DROSHA: variants seen among roughly 807,000 people sequenced by gnomAD.
DROSHA encodes the protein ribonuclease 3.
A neutral mutation model predicts 181.9 loss-of-function variants in DROSHA; 56 were observed. That is an observed-to-expected ratio of 0.31 (90% CI 0.25 to 0.38). The LOEUF is 0.38. Ranked by LOEUF, DROSHA falls within the 10% of genes least tolerant of loss-of-function variation. The pLI is 1.00. For synonymous variants in DROSHA, 524 were observed against 591.2 expected (o/e 0.89, Z 1.65); for missense variants, 1,218 against 1,743.5 (o/e 0.70, Z 5.37).
At chr5:31,495,164 CATAAAA>C in intron 12 of DROSHA, 116 bp downstream of exon 12, 3 of 1,150,370 alleles carry the variant, frequency 2.6e-6, no homozygotes, top group Non-Finnish European at 3.7e-6. Flanking sequence ...AATTTGTCAA[CATAAAA>C]ATAAAATATT....
chr5:31,490,970 G>A (rs944268512), intron 13 of DROSHA, among the ~76,000 whole-genome samples: 2 of 151,842 alleles, frequency 1.3e-5, no homozygotes, highest in Non-Finnish European at 2.9e-5. Context: ...TGACAGTAAC[G>A]ACTGTGACTA....
chr5:31,498,635 A>G (rs1753260485), intron 11 of DROSHA, among the ~76,000 whole-genome samples: 1 of 152,130 alleles, frequency 6.6e-6, no homozygotes, highest in South Asian at 2.1e-4. Context: ...AGGTGGGCAG[A>G]TCGCCTGAGG....
chr5:31,407,091 G>T (rs991842662), intron 33 of DROSHA, 146 bp from the exon 34 acceptor site: 2 of 524,176 alleles, frequency 3.8e-6, no homozygotes, highest in South Asian at 1.2e-4. Flanking sequence ...AAGGTAAAAA[G>T]AGTTAAGTTT....
intron 5 of DROSHA, among the ~76,000 whole-genome samples, chr5:31,522,409 G>T (rs945401471): frequency 6.6e-6 from 1 of 151,720 alleles, no homozygotes; most frequent in Non-Finnish European, 1.5e-5. Flanking sequence ...AAATAATTGC[G>T]TACATTTCCA....
chr5:31,423,123 T>C, intron 28 of DROSHA, 179 bp from the exon 29 acceptor site: 1 of 571,544 alleles, frequency 1.7e-6, no homozygotes, highest in Non-Finnish European at 2.9e-6. Flanking sequence ...ATCTAATATT[T>C]AAAGAAGGTT....
chr5:31,432,553 C>A (rs1264178359), intron 25 of DROSHA, among the ~76,000 whole-genome samples: 2 of 152,228 alleles, frequency 1.3e-5, no homozygotes, highest in South Asian at 4.2e-4. Flanking sequence ...GCACTTGTGT[C>A]CCCCTCATGA....
At chr5:31,457,758 C>G (rs1487374321) in intron 20 of DROSHA, among the ~76,000 whole-genome samples, 1 of 151,864 alleles carries the variant, frequency 6.6e-6, no homozygotes, top group Non-Finnish European at 1.5e-5. Flanking sequence ...GGCATGGTGG[C>G]ACATGCCTGT....
chr5:31,505,000 G>A (rs1001016887), intron 10 of DROSHA, among the ~76,000 whole-genome samples: 1 of 152,114 alleles, frequency 6.6e-6, no homozygotes, highest in East Asian at 1.9e-4. Context: ...TTATATCCTG[G>A]AGGAACACAT....
At chr5:31,431,366 CA>C (rs58316191) in intron 26 of DROSHA, among the ~76,000 whole-genome samples, 9,926 of 57,718 alleles carry the variant, frequency 0.17, 306 homozygotes, top group African/African-American at 0.33. Flanking sequence ...CAGTAGAATG[CA>C]AAAAAAAAAA....
chr5:31,433,322 A>G lies in DROSHA; in HGVS notation c.3043-1644T>C, dbSNP rs576870103. Among the ~76,000 whole-genome samples the G allele has an allele frequency of 1.6e-4, 24 of 152,344 alleles. No homozygotes were observed. The South Asian group carries it at 5.0e-3, about 32-fold the overall frequency. ...ATCTCTTTTTAAAAATTGATCCCAA[A>G]GTGCAAGAGTTTATACTAGAATATG... On this transcript the variant is annotated intron_variant, in intron 25 of 35. Transcript: ENST00000344624.
In DROSHA at chr5:31,514,964, G is replaced by A. The variant is rs1325504034; in HGVS notation, c.1290+24C>T. On this transcript the variant is annotated intron_variant, in intron 8 of 35. Transcript: ENST00000344624. The surrounding 1 kb of genome is among the most constrained non-coding windows in gnomAD (Gnocchi z 4.4). ...CAACGCCGAGAAGCCCTAGTCTACA[G>A]CTTGTCTGCTACTTCAGACCTACCA... The A allele has an allele frequency of 6.2e-7, 1 of 1,607,692 alleles. No individual in the cohort carries two copies. Among genetic ancestry groups the A allele is most frequent in the Non-Finnish European group, 8.5e-7 (1 of 1,175,830 alleles).
chr5:31,484,725 A>T (rs1751538738), intron 15 of DROSHA, among the ~76,000 whole-genome samples, 156 bp downstream of exon 15: 1 of 152,224 alleles, frequency 6.6e-6, no homozygotes, highest in Admixed American at 6.5e-5. Context: ...TTCATGTCAA[A>T]TGATAACAAG....
chr5:31,423,896 T>A (rs2149997164), intron 28 of DROSHA, among the ~76,000 whole-genome samples: 1 of 152,314 alleles, frequency 6.6e-6, no homozygotes, highest in South Asian at 2.1e-4. Context: ...AGCTTTTAAA[T>A]TCCAAAATCT....
chr5:31,503,608 C>A (rs1335955728), intron 11 of DROSHA, among the ~76,000 whole-genome samples: 2 of 152,152 alleles, frequency 1.3e-5, no homozygotes, highest in Non-Finnish European at 2.9e-5. Flanking sequence ...GCCATTCCAG[C>A]ACAACACACA....
chr5:31,445,025 C>T lies in DROSHA; in HGVS notation c.2882+3522G>A, dbSNP rs574623058. 1.4e-4 allele frequency among the ~76,000 whole-genome samples: 22 copies of T among 152,342 alleles called. No homozygotes were observed. The South Asian group carries it at 4.3e-3, about 30-fold the overall frequency. On this transcript the variant is annotated intron_variant, in intron 23 of 35. Coordinates refer to ENST00000344624, the MANE Select transcript of DROSHA (RefSeq NM_001382508.1). The stretch of plus-strand genomic sequence containing the variant: ...GGCAATTTTTGTGGAGGCCAGTGGG[C>T]AGCTGAAGTAATTGCCTCGATTTTC...
At chr5:31,474,840 G>A (rs1353046377) in intron 16 of DROSHA, among the ~76,000 whole-genome samples, 2 of 152,188 alleles carry the variant, frequency 1.3e-5, no homozygotes, top group Non-Finnish European at 2.9e-5. Context: ...ATGGCTGGCT[G>A]TGAAACAGTA....
chr5:31,526,648 G>C lies in DROSHA; in HGVS notation c.285C>G (p.Pro95=), dbSNP rs757370835. ...MPPSAQGPLP[P]CPIRPPFPNH... ...TGGGGAAAGGCGGCCTGATTGGGCA[G>C]GGGGGAAGAGGGCCTTGCGCTGACG... Residue 95 remains proline (P), a synonymous_variant, in exon 5 of 36, where the codon CCC becomes CCG. Transcript: ENST00000344624. 7 of 1,520,216 alleles carry C rather than the reference G, an allele frequency of 4.6e-6. No homozygotes were observed. The East Asian group carries it at 9.1e-5, about 20-fold the overall frequency. 94.2% of individuals were successfully genotyped at this position (1,520,216 alleles called of 1,614,324 possible).
At chr5:31,519,394 A>G (rs1739621821) in intron 6 of DROSHA, among the ~76,000 whole-genome samples, 2 of 152,052 alleles carry the variant, frequency 1.3e-5, no homozygotes, top group Admixed American at 6.6e-5. Context: ...AATCTCATCT[A>G]ATCCAGAGCA....
intron 23 of DROSHA, among the ~76,000 whole-genome samples, chr5:31,444,913 A>G (rs956543096): frequency 2.6e-5 from 4 of 152,240 alleles, no homozygotes; most frequent in Non-Finnish European, 5.9e-5. Flanking sequence ...GATAACCTCA[A>G]AAGAGAACAA....
Sources: allele counts gnomAD v4.1 joint callset (sites outside exome capture counted in the v4.1 genomes callset), GRCh38; gene constraint gnomAD v4.1.1; non-coding constraint Gnocchi (gnomAD v3.1); transcripts MANE v1.5; gene names NCBI Gene and HGNC (gene_info 2026-07-23, HGNC 2026-07-21).